LHFPL3: variants seen among roughly 807,000 people sequenced by gnomAD.
LHFPL3 encodes LHFPL tetraspan subfamily member 3 protein.
In LHFPL3, 5 loss-of-function variants were observed where a neutral mutation model predicts 19.3. The observed-to-expected ratio is 0.26, with a 90% CI of 0.14 to 0.54. The LOEUF (loss-of-function observed/expected upper bound fraction) is 0.54. LHFPL3 is among the 20% of genes least tolerant of loss of function. The pLI is 0.94. For missense variants in LHFPL3, 249 were observed against 307.4 expected, an observed-to-expected ratio of 0.81 and a Z score of 1.42; for synonymous variants, 133 against 126.2, an observed-to-expected ratio of 1.05 and a Z score of -0.36.
chr7:104,364,504 A>G (rs1162323302), intron 1 of LHFPL3, among the ~76,000 whole-genome samples: 2 of 152,254 alleles, frequency 1.3e-5, no homozygotes, highest in Non-Finnish European at 2.9e-5. Flanking sequence ...TGCCCTGTAC[A>G]TAAGTCCAAA....
chr7:104,446,620 G>T (rs1446942907), intron 1 of LHFPL3, among the ~76,000 whole-genome samples: 1 of 151,998 alleles, frequency 6.6e-6, no homozygotes, highest in Non-Finnish European at 1.5e-5. Flanking sequence ...CTGTTGCCCA[G>T]GCTGGAGTGC....
intron 1 of LHFPL3, among the ~76,000 whole-genome samples, chr7:104,340,626 C>T (rs780814628): frequency 8.6e-5 from 13 of 152,044 alleles, no homozygotes; most frequent in Non-Finnish European, 1.0e-4. Context: ...AATTGAGTGG[C>T]GCAATTTGTG....
intron 1 of LHFPL3, among the ~76,000 whole-genome samples, chr7:104,368,200 C>T (rs917367509): frequency 6.6e-6 from 1 of 152,166 alleles, no homozygotes; most frequent in Non-Finnish European, 1.5e-5. Context: ...CTTTTGCTGC[C>T]TTTATGTTCC....
At chr7:104,853,839 A>C (rs563945465) in intron 2 of LHFPL3, among the ~76,000 whole-genome samples, 2 of 152,166 alleles carry the variant, frequency 1.3e-5, no homozygotes, top group African/African-American at 4.8e-5. Context: ...GCCTCTATAC[A>C]ATGTTAGAGG....
At chr7:104,859,178 A>T (rs947388170) in intron 2 of LHFPL3, among the ~76,000 whole-genome samples, 8 of 151,574 alleles carry the variant, frequency 5.3e-5, no homozygotes, top group African/African-American at 1.9e-4. Context: ...GAGGCAGGAG[A>T]ATCACTTGAA....
intron 2 of LHFPL3, among the ~76,000 whole-genome samples, chr7:104,861,033 G>C (rs1279417724): frequency 6.6e-6 from 1 of 152,164 alleles, no homozygotes; most frequent in Non-Finnish European, 1.5e-5. Flanking sequence ...GCTATTTATA[G>C]CTTTTTTAAA....
At chr7:104,716,790 C>T (rs1262111123) in intron 1 of LHFPL3, among the ~76,000 whole-genome samples, 14 of 152,238 alleles carry the variant, frequency 9.2e-5, no homozygotes, top group African/African-American at 3.1e-4. Context: ...TATCAAAATC[C>T]CAGTGGCATT....
At chr7:104,823,006 C>T (rs148670787) in intron 2 of LHFPL3, among the ~76,000 whole-genome samples, 2,431 of 152,128 alleles carry the variant, frequency 0.016, 29 homozygotes, top group Middle Eastern at 0.037. Context: ...CAGAGCCGTA[C>T]GCTCTGCATG....
At chr7:104,523,055 A>G (rs1295022252) in intron 1 of LHFPL3, among the ~76,000 whole-genome samples, 2 of 150,796 alleles carry the variant, frequency 1.3e-5, no homozygotes, top group Non-Finnish European at 2.9e-5. Context: ...TTATATATAC[A>G]TATACACATA....
chr7:104,446,698 C>T (rs1405650668), intron 1 of LHFPL3, among the ~76,000 whole-genome samples: 2 of 152,110 alleles, frequency 1.3e-5, no homozygotes, highest in African/African-American at 4.8e-5. Flanking sequence ...GCCTCAGCCT[C>T]CTGAGTAGCT....
chr7:104,407,012 A>G (rs1471116979), intron 1 of LHFPL3, among the ~76,000 whole-genome samples: 1 of 152,166 alleles, frequency 6.6e-6, no homozygotes, highest in Non-Finnish European at 1.5e-5. Flanking sequence ...GATTTGGGGC[A>G]CCACAGGGGA....
intron 1 of LHFPL3, among the ~76,000 whole-genome samples, chr7:104,430,432 A>ACACG (rs1562895263): frequency 8.3e-5 from 1 of 11,992 alleles, no homozygotes; most frequent in African/African-American, 2.7e-4. Flanking sequence ...ATATATATAT[A>ACACG]TATATATATA....
chr7:104,828,454 T>C (rs1426268471), intron 2 of LHFPL3, among the ~76,000 whole-genome samples: 6 of 151,966 alleles, frequency 3.9e-5, no homozygotes, highest in African/African-American at 1.5e-4. Flanking sequence ...ATCCAGCCCC[T>C]TCCTCTGGTC....
chr7:104,525,562 C>T (rs1242101941), intron 1 of LHFPL3, among the ~76,000 whole-genome samples: 4 of 151,724 alleles, frequency 2.6e-5, no homozygotes, highest in Non-Finnish European at 2.9e-5. Flanking sequence ...AGTAATGATC[C>T]TCCAGGTTTC....
intron 2 of LHFPL3, among the ~76,000 whole-genome samples, chr7:104,824,644 A>C (rs1488914140): frequency 2.3e-5 from 2 of 86,758 alleles, no homozygotes; most frequent in Non-Finnish European, 4.0e-5. Context: ...TATTTTATAT[A>C]TTATATATAA....
rs139194245 is a variant in LHFPL3 at position 104,617,961 on chromosome 7, C to T, written c.446-118714C>T. ...TAAAGAATCAAATCATCTCACTGAA[C>T]AAGAACTCACCGGCAAGTCAATTAC... On this transcript the variant is annotated intron_variant, in intron 1 of 2. Coordinates refer to ENST00000424859, the MANE Select transcript of LHFPL3 (RefSeq NM_199000.3). Among the ~76,000 whole-genome samples the T allele has an allele frequency of 4.2e-3, 638 of 152,292 alleles. 6 individuals are homozygous for T. The highest frequency in any genetic ancestry group is 0.014 in the African/African-American group (572 of 41,560).
chr7:104,568,177 T>C (rs1013622932), intron 1 of LHFPL3, among the ~76,000 whole-genome samples: 1 of 152,140 alleles, frequency 6.6e-6, no homozygotes. Flanking sequence ...CTGGGGAGAA[T>C]TTTCAAAATT....
At chr7:104,886,433 C>T (rs1792148723) in intron 2 of LHFPL3, among the ~76,000 whole-genome samples, 1 of 152,142 alleles carries the variant, frequency 6.6e-6, no homozygotes, top group Non-Finnish European at 1.5e-5. Context: ...GGTGCGATCT[C>T]AGTTCACCGC....
intron 1 of LHFPL3, among the ~76,000 whole-genome samples, chr7:104,619,486 A>G (rs559006937): frequency 1.3e-5 from 2 of 152,318 alleles, no homozygotes; most frequent in East Asian, 3.9e-4. Context: ...AATTCAATTA[A>G]AGTTCTTATT....
Sources: gnomAD v4.1 joint callset for allele counts (sites outside exome capture counted in the v4.1 genomes callset) on GRCh38, gnomAD v4.1.1 for gene constraint, MANE v1.5 for transcripts, NCBI Gene and HGNC (gene_info 2026-07-23, HGNC 2026-07-21) for gene names.